Variants in HTR1F observed in about 807,000 individuals in gnomAD.
HTR1F encodes the protein 5-hydroxytryptamine (serotonin) receptor 1F, G protein-coupled.
HTR1F carries 17 observed loss-of-function variants against 24.0 expected under a neutral mutation model. That is an observed-to-expected ratio of 0.71 (90% CI 0.48 to 1.06). HTR1F has a LOEUF of 1.06. Ranked by LOEUF, HTR1F falls within the 50% of genes least tolerant of loss-of-function variation. The probability of loss-of-function intolerance (pLI) is 0.00; values close to 1 mark genes in which losing one functional copy is unlikely to be tolerated. For missense variants in HTR1F, 391 were observed against 427.8 expected (o/e 0.91, Z 0.76); for synonymous variants, 186 against 156.8 (o/e 1.19, Z -1.39).
chr3:87,930,008 T>C (rs974042679), intron 2 of HTR1F, among the ~76,000 whole-genome samples: 17 of 152,152 alleles, frequency 1.1e-4, no homozygotes, highest in Admixed American at 2.0e-4. Flanking sequence ...CTTGCAGAGA[T>C]CTTTCACCTC....
At chr3:87,919,211 A>G (rs1703958712) in intron 2 of HTR1F, among the ~76,000 whole-genome samples, 1 of 152,164 alleles carries the variant, frequency 6.6e-6, no homozygotes, top group Non-Finnish European at 1.5e-5. Context: ...CTCACCTTAT[A>G]TAAAAATCAT....
chr3:87,830,288 A>G lies in HTR1F; in HGVS notation c.-43+8164A>G, dbSNP rs1704548986. ...AGGTAGAACAGTTTTCCTCAGAACC[A>G]TGACATAAAATGAAATCTATGCATT... On this transcript the variant is annotated intron_variant, in intron 2 of 2. Coordinates refer to ENST00000319595, the MANE Select transcript of HTR1F (RefSeq NM_001322209.2). Among the ~76,000 whole-genome samples the G allele has an allele frequency of 2.6e-5, 4 of 152,174 alleles. No homozygotes were observed. The South Asian group carries it at 6.2e-4, about 24-fold the overall frequency.
rs139864628 is a variant in HTR1F, at chr3:87,985,228, G to A, written c.-42-5480G>A. 5.1e-3 allele frequency among the ~76,000 whole-genome samples: 773 copies of A among 152,110 alleles called. 2 individuals are homozygous for A. The highest frequency in any genetic ancestry group is 0.012 in the Admixed American group (178 of 15,282). ...CGCATGCCTGTAATCCCAGCTACTCGGGAGGCTGAGGCTGACGAATCGCTT... is the reference window on the plus strand; with the variant it reads ...CGCATGCCTGTAATCCCAGCTACTCAGGAGGCTGAGGCTGACGAATCGCTT... On this transcript the variant is annotated intron_variant, in intron 2 of 2. Coordinates refer to ENST00000319595, the MANE Select transcript of HTR1F (RefSeq NM_001322209.2).
At chr3:87,900,154 A>G (rs1242383197) in intron 2 of HTR1F, among the ~76,000 whole-genome samples, 1 of 152,212 alleles carries the variant, frequency 6.6e-6, no homozygotes, top group African/African-American at 2.4e-5. Flanking sequence ...AATATAAAGA[A>G]AAGGAAGTAA....
intron 2 of HTR1F, among the ~76,000 whole-genome samples, chr3:87,948,607 C>T (rs1009854408): frequency 1.3e-5 from 2 of 152,042 alleles, no homozygotes; most frequent in African/African-American, 2.4e-5. Context: ...TCATCAGTCT[C>T]CCAAGTAGCT....
chr3:87,832,336 CT>C (rs1240822899), intron 2 of HTR1F, among the ~76,000 whole-genome samples: 1 of 83,640 alleles, frequency 1.2e-5, no homozygotes. Flanking sequence ...TTTTTTTTTT[CT>C]TTTTTTTTGA....
intron 2 of HTR1F, among the ~76,000 whole-genome samples, chr3:87,953,413 G>A (rs1397426613): frequency 1.3e-5 from 2 of 150,762 alleles, no homozygotes; most frequent in African/African-American, 2.4e-5. Context: ...TACAAAAAAA[G>A]ACATACAAAT....
chr3:87,991,387 A>G lies in HTR1F; in HGVS notation c.638A>G (p.His213Arg). 6.2e-7 allele frequency: 1 copy of G among 1,613,980 alleles called. No homozygotes were observed. The highest frequency in any genetic ancestry group is 8.5e-7 in the Non-Finnish European group (1 of 1,179,988). The change falls in exon 3 of 3, where the codon CAC (histidine) becomes CGC (arginine). Residue 213 changes from histidine (H) to arginine (R), a missense_variant. By Grantham distance (29) the His-to-Arg change is conservative. Transcript: ENST00000319595. ...KIYRAAKTLY[H>R]KRQASRIAKE... ...TATAGAGCAGCAAAGACATTATACC[A>G]CAAGAGACAAGCAAGTAGGATTGCA...
chr3:87,980,815 C>T (rs1705524620), intron 2 of HTR1F, among the ~76,000 whole-genome samples: 1 of 152,240 alleles, frequency 6.6e-6, no homozygotes, highest in Non-Finnish European at 1.5e-5. Flanking sequence ...CAAGCACACA[C>T]ACAACACTCG....
intron 2 of HTR1F, among the ~76,000 whole-genome samples, chr3:87,943,215 CTGAG>C (rs1322519720): frequency 6.6e-6 from 1 of 151,840 alleles, no homozygotes; most frequent in East Asian, 1.9e-4. Flanking sequence ...ATTGACCTGA[CTGAG>C]TGAGATACCA....
chr3:87,804,567 C>T (rs370162744), intron 1 of HTR1F, among the ~76,000 whole-genome samples: 1 of 151,946 alleles, frequency 6.6e-6, no homozygotes, highest in East Asian at 1.9e-4. Context: ...ATTTTATTAT[C>T]TAGAAATTTG....
intron 2 of HTR1F, among the ~76,000 whole-genome samples, chr3:87,890,071 G>T (rs1706043444): frequency 6.6e-6 from 1 of 152,150 alleles, no homozygotes; most frequent in Admixed American, 6.6e-5. Context: ...TATATACCTT[G>T]TATGTACCCA....
At chr3:87,888,130 T>A (rs1705998028) in intron 2 of HTR1F, among the ~76,000 whole-genome samples, 1 of 152,180 alleles carries the variant, frequency 6.6e-6, no homozygotes, top group South Asian at 2.1e-4. Context: ...CATGGAATAC[T>A]ATGCAGACAT....
At chr3:87,901,780 C>T (rs1430452722) in intron 2 of HTR1F, among the ~76,000 whole-genome samples, 1 of 151,882 alleles carries the variant, frequency 6.6e-6, no homozygotes, top group Non-Finnish European at 1.5e-5. Context: ...ATCTAGTTTC[C>T]TCTATCATCT....
At chr3:87,933,658 G>T (rs1294928181) in intron 2 of HTR1F, among the ~76,000 whole-genome samples, 2 of 152,100 alleles carry the variant, frequency 1.3e-5, no homozygotes, top group Non-Finnish European at 2.9e-5. Context: ...GGACATGAAG[G>T]ACCTCTTCAA....
intron 2 of HTR1F, among the ~76,000 whole-genome samples, chr3:87,944,927 T>C (rs1042209269): frequency 1.6e-4 from 24 of 152,320 alleles, no homozygotes; most frequent in African/African-American, 5.5e-4. Context: ...CAAGGTAGTA[T>C]TGGAGTGTTA....
intron 2 of HTR1F, among the ~76,000 whole-genome samples, chr3:87,936,039 G>T (rs1321175019): frequency 6.6e-6 from 1 of 152,030 alleles, no homozygotes; most frequent in African/African-American, 2.4e-5. Flanking sequence ...TTGTAGAGAT[G>T]GGATTTCACC....
intron 1 of HTR1F, among the ~76,000 whole-genome samples, chr3:87,813,355 T>G (rs1321891264): frequency 7.2e-5 from 11 of 152,204 alleles, no homozygotes; most frequent in Non-Finnish European, 1.5e-4. Flanking sequence ...AGGCCCTTTG[T>G]TTTGGCCAAT....
chr3:87,964,834 G>A (rs1229723067), intron 2 of HTR1F, among the ~76,000 whole-genome samples: 1 of 152,090 alleles, frequency 6.6e-6, no homozygotes, highest in Non-Finnish European at 1.5e-5. Flanking sequence ...CTTCACTGTA[G>A]CTCCCATATT....
Sources: allele counts gnomAD v4.1 joint callset (sites outside exome capture counted in the v4.1 genomes callset), GRCh38; gene constraint gnomAD v4.1.1; transcripts MANE v1.5; gene names NCBI Gene and HGNC (gene_info 2026-07-23, HGNC 2026-07-21).